The following FAM210A variants were observed in gnomAD, a reference collection of about 807,000 sequenced individuals.
The protein encoded by FAM210A is mitochondrial inner membrane scaffold 1.
FAM210A carries 13 observed loss-of-function variants against 25.3 expected under a neutral mutation model. The observed-to-expected ratio is 0.51, with a 90% CI of 0.33 to 0.82. FAM210A has a LOEUF of 0.82. FAM210A is among the 40% of genes least tolerant of loss of function. The pLI is 0.02. For missense variants in FAM210A, 319 were observed against 323.2 expected (o/e 0.99, Z 0.10); for synonymous variants, 125 against 118.7 (o/e 1.05, Z -0.35).
In FAM210A at chr18:13,701,168, G is replaced by A. The variant is rs1248397194; in HGVS notation, c.-28-19063C>T. 3.3e-5 allele frequency among the ~76,000 whole-genome samples: 5 copies of A among 152,318 alleles called. No homozygotes were observed. The South Asian group carries it at 8.3e-4, about 25-fold the overall frequency. ...CTCCGAATGAACAAGCAAGGTACCT[G>A]CTGGACCCACTTGTGTCCTTTGATC... is the stretch of plus-strand genomic sequence containing the variant. On this transcript the variant is annotated intron_variant, in intron 1 of 3. Coordinates refer to ENST00000651643, the MANE Select transcript of FAM210A (RefSeq NM_152352.4).
chr18:13,677,283 C>T (rs557769256), intron 2 of FAM210A, among the ~76,000 whole-genome samples: 2 of 152,186 alleles, frequency 1.3e-5, no homozygotes, highest in African/African-American at 4.8e-5. Context: ...ACCATGTTAG[C>T]CAGGATGGTC....
rs967620596 is a variant in FAM210A at position 13,707,321 on chromosome 18, CAAACA to C, written c.-29+19003_-29+19007del. On this transcript the variant is annotated intron_variant, in intron 1 of 3. Coordinates refer to ENST00000651643, the MANE Select transcript of FAM210A (RefSeq NM_152352.4). ...TGCACTAGGCCCCAACAGACCAAAC[CAAACA>C]AAAGTGGAGCCACTCCTGTTAAATC... 1.6e-4 allele frequency among the ~76,000 whole-genome samples: 25 copies of C among 152,312 alleles called. 1 individual carries two copies. In the South Asian group the frequency reaches 1.9e-3, roughly 11 times the overall value.
chr18:13,702,919 G>A (rs964816346), intron 1 of FAM210A, among the ~76,000 whole-genome samples: 4 of 152,122 alleles, frequency 2.6e-5, no homozygotes, highest in Admixed American at 6.5e-5. Context: ...CCTGGCTAAC[G>A]TTGGGTAATA....
chr18:13,685,405 G>C (rs1271135892), intron 1 of FAM210A, among the ~76,000 whole-genome samples: 1 of 151,606 alleles, frequency 6.6e-6, no homozygotes, highest in South Asian at 2.1e-4. Context: ...TGAGAGTCTA[G>C]CACCTTTTAA....
At chr18:13,675,944 CCA>C (rs2043494998) in intron 2 of FAM210A, among the ~76,000 whole-genome samples, 1 of 76,764 alleles carries the variant, frequency 1.3e-5, no homozygotes, top group African/African-American at 4.7e-5. Flanking sequence ...CTCTTTATTT[CCA>C]GTTTCCTGAT....
chr18:13,671,999 A>G (rs755062598), intron 2 of FAM210A, 26 bp from the exon 3 acceptor site: 80 of 1,458,904 alleles, frequency 5.5e-5, no homozygotes, highest in Admixed American at 1.1e-4. Flanking sequence ...AGTAATTTTC[A>G]TATGTACAAA....
chr18:13,671,590 G>A (rs1369379378), intron 3 of FAM210A, among the ~76,000 whole-genome samples: 2 of 151,528 alleles, frequency 1.3e-5, no homozygotes, highest in East Asian at 3.9e-4. Context: ...TCGGGAGGCT[G>A]AGGTAGGAGA....
At chr18:13,711,266 G>A (rs1409773094) in intron 1 of FAM210A, among the ~76,000 whole-genome samples, 1 of 152,168 alleles carries the variant, frequency 6.6e-6, no homozygotes, top group Non-Finnish European at 1.5e-5. Flanking sequence ...AGCTTCTTGG[G>A]AGGCTGAGGC....
At position 13,663,480 on chromosome 18, in the gene FAM210A, A is replaced by G. The variant is rs986408775; in HGVS notation, c.*3000T>C. 1.6e-4 allele frequency: 24 copies of G among 152,306 alleles called. No individual in the cohort carries two copies. Among genetic ancestry groups the G allele is most frequent in the Admixed American group, 8.5e-4 (13 of 15,306 alleles). 9.4% of individuals were successfully genotyped at this position (152,306 alleles called of 1,614,324 possible). A position where few individuals can be genotyped will look rare whatever the true frequency, so the allele number is the denominator to read the frequency against. On this transcript the variant is annotated 3_prime_UTR_variant, in exon 4 of 4. Coordinates refer to ENST00000651643, the MANE Select transcript of FAM210A (RefSeq NM_152352.4). ...ATGTACAAAAGGCTGTCTCAGTGAA[A>G]TACATTTTTTGATGTGGTTGGTTTT...
intron 1 of FAM210A, among the ~76,000 whole-genome samples, chr18:13,722,442 C>A (rs563845001): frequency 2.6e-5 from 4 of 152,242 alleles, no homozygotes; most frequent in Admixed American, 2.0e-4. Context: ...TGCAAGGTAA[C>A]TACCTCAAGG....
chr18:13,704,776 AAT>A (rs1170467762), intron 1 of FAM210A, among the ~76,000 whole-genome samples: 7 of 152,216 alleles, frequency 4.6e-5, no homozygotes, highest in African/African-American at 1.7e-4. Context: ...TTCTAAAATT[AAT>A]ATGTCTGTGT....
chr18:13,685,266 C>A (rs903728560), intron 1 of FAM210A, among the ~76,000 whole-genome samples: 3 of 151,078 alleles, frequency 2.0e-5, no homozygotes, highest in African/African-American at 7.3e-5. Context: ...CGTTTCTCTG[C>A]CATATTTTGA....
intron 1 of FAM210A, among the ~76,000 whole-genome samples, chr18:13,696,831 G>C (rs1037091299): frequency 2.6e-5 from 4 of 152,148 alleles, no homozygotes; most frequent in African/African-American, 9.7e-5. Flanking sequence ...TGTAGTCTAA[G>C]TGTACAGTAT....
intron 1 of FAM210A, among the ~76,000 whole-genome samples, chr18:13,722,354 C>T (rs559512365): frequency 1.3e-5 from 2 of 151,554 alleles, no homozygotes; most frequent in Non-Finnish European, 2.9e-5. Context: ...GGCAACAGCT[C>T]CCACTGCAAT....
intron 2 of FAM210A, among the ~76,000 whole-genome samples, chr18:13,678,887 C>T (rs2043526021): frequency 6.6e-6 from 1 of 152,232 alleles, no homozygotes; most frequent in Non-Finnish European, 1.5e-5. Flanking sequence ...ACTTTAGGAA[C>T]TTGAGGTCTC....
intron 1 of FAM210A, among the ~76,000 whole-genome samples, chr18:13,686,273 C>T (rs564398953): frequency 2.6e-4 from 40 of 152,280 alleles, no homozygotes; most frequent in South Asian, 8.3e-4. Context: ...ACCGAAATCA[C>T]GCCCCACCTC....
rs199629542 is a variant in FAM210A at position 13,714,037 on chromosome 18, C to T, written c.-29+12292G>A. ...CTTCAGAGTACCTAAAATCTACTAA[C>T]GTAAAACAGTTACAAAAGAACTTAA... is the stretch of plus-strand genomic sequence containing the variant. On this transcript the variant is annotated intron_variant, in intron 1 of 3. Coordinates refer to ENST00000651643, the MANE Select transcript of FAM210A (RefSeq NM_152352.4). Among the ~76,000 whole-genome samples the T allele has an allele frequency of 2.2e-4, 33 of 152,290 alleles. 1 individual carries two copies. In the East Asian group the frequency reaches 4.6e-3, roughly 21 times the overall value.
intron 2 of FAM210A, among the ~76,000 whole-genome samples, chr18:13,677,069 A>ATTTT (rs59935007): frequency 2.2e-5 from 3 of 137,194 alleles, no homozygotes; most frequent in Non-Finnish European, 1.6e-5. Context: ...CTGTCCCTCT[A>ATTTT]TTTTTTTTTT....
At position 13,692,037 on chromosome 18, in the gene FAM210A, A is replaced by C. The variant is rs187695659; in HGVS notation, c.-28-9932T>G. ...CACATGCAGAGACACACACAGACTC[A>C]AAATAAAGGGATGGAGGAAGATATA... On this transcript the variant is annotated intron_variant, in intron 1 of 3. Transcript: ENST00000651643. Among the ~76,000 whole-genome samples, 8 of 144,720 alleles carry C rather than the reference A, an allele frequency of 5.5e-5. No individual in the cohort carries two copies. In the East Asian group the frequency reaches 1.6e-3, roughly 29 times the overall value. The allele number at this position is 144,720 out of a possible 152,430, so 94.9% of individuals were successfully genotyped here.
Sources: allele counts gnomAD v4.1 joint callset (sites outside exome capture counted in the v4.1 genomes callset), GRCh38; gene constraint gnomAD v4.1.1; transcripts MANE v1.5; gene names NCBI Gene and HGNC (gene_info 2026-07-23, HGNC 2026-07-21).